The following PID1 variants were observed in gnomAD, a reference collection of about 807,000 sequenced individuals.
The protein encoded by PID1 is phosphotyrosine interaction domain containing 1, also known as PTB-containing, cubilin and LRP1-interacting protein.
Under a neutral mutation model 19.1 loss-of-function variants are expected in PID1, and 10 were observed. The ratio of observed to expected loss-of-function variants is 0.52; its 90% CI spans 0.32 to 0.89. The LOEUF (loss-of-function observed/expected upper bound fraction) is 0.89. Among genes scored for constraint, PID1 ranks in the 40% least tolerant of loss-of-function variants. The pLI is 0.03. For synonymous variants in PID1, 130 were observed against 116.0 expected (o/e 1.12, Z -0.78); for missense variants, 248 against 285.3 (o/e 0.87, Z 0.94).
At chr2:229,122,456 C>T (rs1046068385) in intron 2 of PID1, among the ~76,000 whole-genome samples, 3 of 152,090 alleles carry the variant, frequency 2.0e-5, no homozygotes, top group Admixed American at 2.0e-4. Flanking sequence ...CATTTCTCTT[C>T]CCTGTAAAAC....
intron 2 of PID1, among the ~76,000 whole-genome samples, chr2:229,098,327 G>A (rs1695010646): frequency 1.3e-5 from 2 of 152,150 alleles, no homozygotes; most frequent in African/African-American, 2.4e-5. Context: ...CAAAGCAAAA[G>A]ATAAAAGGAG....
chr2:229,213,584 C>A (rs575590500), intron 1 of PID1, among the ~76,000 whole-genome samples: 9 of 152,306 alleles, frequency 5.9e-5, no homozygotes, highest in African/African-American at 2.2e-4. Flanking sequence ...TTCTTCCAAG[C>A]AGTTTCTCAG....
intron 2 of PID1, among the ~76,000 whole-genome samples, chr2:229,041,602 T>C (rs972996744): frequency 6.6e-6 from 1 of 152,150 alleles, no homozygotes; most frequent in African/African-American, 2.4e-5. Context: ...AAACATCTGA[T>C]GAGAAATTGG....
At chr2:229,110,739 T>A (rs944397227) in intron 2 of PID1, among the ~76,000 whole-genome samples, 1 of 152,144 alleles carries the variant, frequency 6.6e-6, no homozygotes, top group Non-Finnish European at 1.5e-5. Context: ...GCAGTTATTG[T>A]CCAGTCCTTG....
At chr2:229,109,483 C>T (rs778102573) in intron 2 of PID1, among the ~76,000 whole-genome samples, 11 of 152,158 alleles carry the variant, frequency 7.2e-5, no homozygotes, top group African/African-American at 1.2e-4. Flanking sequence ...CAGGTACAAA[C>T]TGCATGATTA....
At chr2:229,071,016 G>C (rs1216699820) in intron 2 of PID1, among the ~76,000 whole-genome samples, 1 of 152,106 alleles carries the variant, frequency 6.6e-6, no homozygotes, top group Non-Finnish European at 1.5e-5. Flanking sequence ...TCTATATTTA[G>C]ATTATATCCC....
At chr2:229,185,272 C>T (rs1691102828) in intron 1 of PID1, among the ~76,000 whole-genome samples, 1 of 151,830 alleles carries the variant, frequency 6.6e-6, no homozygotes, top group South Asian at 2.1e-4. Context: ...GCTCACATCC[C>T]TCAGCATCTG....
chr2:229,121,695 G>A (rs1695524276), intron 2 of PID1, among the ~76,000 whole-genome samples: 1 of 152,166 alleles, frequency 6.6e-6, no homozygotes, highest in Admixed American at 6.5e-5. Context: ...TTGGAGAGAG[G>A]AGTATGTGTA....
Position 229,218,461 on chromosome 2 carries a change from A to G in PID1, c.30+52553T>C, listed in dbSNP as rs1691897224. ...GAGTAACTCTTCCCGCACACGTTGC[A>G]GAAATCAATAATGGAACCAAGCTGA... On this transcript the variant is annotated intron_variant, in intron 1 of 2. Transcript: ENST00000392055. Among the ~76,000 whole-genome samples the G allele has an allele frequency of 2.0e-5, 3 of 152,300 alleles. No individual in the cohort carries two copies. In the South Asian group the frequency reaches 6.2e-4, roughly 32 times the overall value.
intron 2 of PID1, among the ~76,000 whole-genome samples, chr2:229,044,684 T>A (rs6436824): frequency 0.41 from 61,935 of 151,566 alleles, 12,756 homozygotes; most frequent in East Asian, 0.61. Context: ...ACAGCCTCGC[T>A]CTGCCCCTTG....
At chr2:229,253,954 G>A (rs540432071) in intron 1 of PID1, among the ~76,000 whole-genome samples, 7 of 152,220 alleles carry the variant, frequency 4.6e-5, no homozygotes, top group African/African-American at 1.7e-4. Context: ...GCTCAGAAAG[G>A]AGAGGGATAG....
intron 2 of PID1, among the ~76,000 whole-genome samples, chr2:229,030,519 C>T (rs1030768135): frequency 1.3e-5 from 2 of 152,118 alleles, no homozygotes; most frequent in South Asian, 2.1e-4. Flanking sequence ...TTTTACTATT[C>T]ACTGAAACTA....
At chr2:229,236,977 TACACACACATACAC>T (rs1399662691) in intron 1 of PID1, among the ~76,000 whole-genome samples, 54 of 56,742 alleles carry the variant, frequency 9.5e-4, no homozygotes, top group Middle Eastern at 0.018. Context: ...CCTTCTCCTT[TACACACACATACAC>T]ACACACACAC....
At chr2:229,236,935 G>A (rs149603038) in intron 1 of PID1, among the ~76,000 whole-genome samples, 178 of 151,144 alleles carry the variant, frequency 1.2e-3, no homozygotes, top group African/African-American at 3.9e-3. Context: ...TACAACATCA[G>A]GGTAGTGTGT....
At chr2:229,042,648 C>A (rs1047738516) in intron 2 of PID1, among the ~76,000 whole-genome samples, 1 of 152,148 alleles carries the variant, frequency 6.6e-6, no homozygotes, top group Non-Finnish European at 1.5e-5. Context: ...AAAATAGTAC[C>A]TTTGGCAATA....
rs200156305 is a variant in PID1, at chr2:229,204,047, C to A, written c.31-48083G>T. ...AGTATTAAAATGAAATTTAATAGAG[C>A]TGAAAATTTGGCAAACTAAACTTGT... On this transcript the variant is annotated intron_variant, in intron 1 of 2. Transcript: ENST00000392055. 1.1e-4 allele frequency among the ~76,000 whole-genome samples: 16 copies of A among 152,108 alleles called. No individual in the cohort carries two copies. In the East Asian group the frequency reaches 3.1e-3, roughly 29 times the overall value.
intron 2 of PID1, among the ~76,000 whole-genome samples, chr2:229,066,869 C>A (rs182671494): frequency 1.1e-3 from 171 of 152,202 alleles, no homozygotes; most frequent in Non-Finnish European, 2.0e-3. Flanking sequence ...TTCATTAACA[C>A]CCACAATCCT....
chr2:229,143,835 C>A (rs555118743), intron 2 of PID1, among the ~76,000 whole-genome samples: 1 of 152,096 alleles, frequency 6.6e-6, no homozygotes, highest in African/African-American at 2.4e-5. Flanking sequence ...CTTCCCCTTC[C>A]GCCATGATTT....
intron 2 of PID1, among the ~76,000 whole-genome samples, chr2:229,083,910 G>GGT (rs1694714584): frequency 6.6e-6 from 1 of 152,198 alleles, no homozygotes; most frequent in South Asian, 2.1e-4. Flanking sequence ...ATATTGAAGA[G>GGT]GTAGCTAAGG....
Sources: allele counts gnomAD v4.1 joint callset (sites outside exome capture counted in the v4.1 genomes callset), GRCh38; gene constraint gnomAD v4.1.1; transcripts MANE v1.5; gene names NCBI Gene and HGNC (gene_info 2026-07-23, HGNC 2026-07-21).